QSER1: variants seen among roughly 807,000 people sequenced by gnomAD.
The protein encoded by QSER1 is glutamine and serine-rich protein 1.
A neutral mutation model predicts 158.5 loss-of-function variants in QSER1; 49 were observed. That is an observed-to-expected ratio of 0.31 (90% CI 0.25 to 0.39). The LOEUF (loss-of-function observed/expected upper bound fraction) is 0.39. QSER1 is among the 10% of genes least tolerant of loss of function. The pLI is 1.00. For missense variants in QSER1, 1,754 were observed against 2,010.3 expected (o/e 0.87, Z 2.44); for synonymous variants, 650 against 715.5 (o/e 0.91, Z 1.46).
rs534550199 is a variant in QSER1 at position 32,893,743 on chromosome 11, A to G, written c.209+409A>G. ...TGTATTGGAACCTGGGTGGCCGACAATGCGGTCTTGGGGACTCCGGCGTGT... is the reference window on the plus strand; with the variant it reads ...TGTATTGGAACCTGGGTGGCCGACAGTGCGGTCTTGGGGACTCCGGCGTGT... On this transcript the variant is annotated intron_variant, in intron 1 of 12. Transcript: ENST00000650167. This position sits in a 1 kb window ranked among gnomAD's most constrained non-coding sequence, Gnocchi z 4.7. Among the ~76,000 whole-genome samples, 26 of 152,276 alleles carry G rather than the reference A, an allele frequency of 1.7e-4. No individual in the cohort carries two copies. The highest frequency in any genetic ancestry group is 2.0e-4 in the Admixed American group (3 of 15,308).
intron 1 of QSER1, among the ~76,000 whole-genome samples, chr11:32,904,505 T>C (rs553080788): frequency 6.6e-6 from 1 of 152,076 alleles, no homozygotes; most frequent in South Asian, 2.1e-4. Flanking sequence ...TAAGCATTTC[T>C]TAATGTGCTA....
chr11:32,892,978 C>A lies in QSER1; in HGVS notation c.-148C>A, dbSNP rs538645689. Among the ~76,000 whole-genome samples the A allele has an allele frequency of 6.8e-6, 1 of 147,772 alleles. No individual in the cohort carries two copies. Among genetic ancestry groups the A allele is most frequent in the Non-Finnish European group, 1.5e-5 (1 of 66,332 alleles). On this transcript the variant is annotated 5_prime_UTR_variant, in exon 1 of 13. Transcript: ENST00000650167. ...GACTCGCCAGCGCGCCCTTCTCCCG[C>A]CTGCTCGCCGGGGCCATGTGAGGGG...
At position 32,966,368 on chromosome 11, in the gene QSER1, A is replaced by G; in HGVS notation, c.5038A>G (p.Ser1680Gly). Residue 1680 changes from serine to glycine, a missense_variant, in exon 9 of 13, where the codon AGC becomes GGC. Ser to Gly is a moderately conservative substitution (Grantham distance 56). Coordinates refer to ENST00000650167, the MANE Select transcript of QSER1 (RefSeq NM_001076786.3). ...NTRAMKETFK[S>G]YMELLVSIAL... is the part of the protein sequence containing the mutation. The stretch of plus-strand genomic sequence containing the variant: ...AAGAGCAATGAAGGAAACCTTTAAG[A>G]GCTACATGGAATTGCTTGTTAGCAT... 1.9e-6 allele frequency: 3 copies of G among 1,614,086 alleles called. No individual in the cohort carries two copies. Among genetic ancestry groups the G allele is most frequent in the Non-Finnish European group, 1.7e-6 (2 of 1,179,968 alleles).
At chr11:32,965,962 C>T (rs1277692123) in intron 8 of QSER1, among the ~76,000 whole-genome samples, 1 of 150,864 alleles carries the variant, frequency 6.6e-6, no homozygotes, top group African/African-American at 2.4e-5. Context: ...CACACACACA[C>T]ACACACACAC....
chr11:32,898,310 A>C (rs547679358), intron 1 of QSER1, among the ~76,000 whole-genome samples: 4 of 152,222 alleles, frequency 2.6e-5, no homozygotes, highest in Admixed American at 6.5e-5. Context: ...GTGAAACCCT[A>C]TCTCTACAAA....
intron 1 of QSER1, among the ~76,000 whole-genome samples, chr11:32,922,786 A>AT (rs573369402): frequency 3.1e-4 from 45 of 145,428 alleles, no homozygotes; most frequent in South Asian, 1.3e-3. Flanking sequence ...TGCCCGGCCT[A>AT]TTTTTTTTTT....
intron 8 of QSER1, among the ~76,000 whole-genome samples, chr11:32,965,944 A>AACACACACACACACACACACACACACAC (rs5790910): frequency 7.3e-5 from 9 of 123,620 alleles, no homozygotes; most frequent in East Asian, 5.6e-4. Flanking sequence ...TCTGTCTCAA[A>AACACACACACACACACACACACACACAC]ACACACACAC....
chr11:32,953,922 A>T lies in QSER1; in HGVS notation c.4243A>T (p.Thr1415Ser), dbSNP rs1423694897. Residue 1415 changes from threonine (T) to serine (S), a missense_variant, in exon 5 of 13, where the codon ACC (threonine) becomes TCC (serine). Transcript: ENST00000650167. ...TACTGGTACTGCTACTACTTCCTCA[A>T]CCACTGTGGGTGCAGTTAAGCAAGA... ...NTTGTATTSSTTVGAVKQEPL... is the reference protein window; with the variant it reads ...NTTGTATTSSSTVGAVKQEPL... 1.9e-6 allele frequency: 3 copies of T among 1,614,172 alleles called. No individual in the cohort carries two copies. The highest frequency in any genetic ancestry group is 2.5e-6 in the Non-Finnish European group (3 of 1,180,016).
chr11:32,949,173 C>T (rs895918791), intron 4 of QSER1, among the ~76,000 whole-genome samples: 2 of 152,006 alleles, frequency 1.3e-5, no homozygotes, highest in Admixed American at 6.6e-5. Context: ...CATAGCTTCT[C>T]CTTGGGATTA....
chr11:32,904,488 C>T (rs753165257), intron 1 of QSER1, among the ~76,000 whole-genome samples: 2 of 151,974 alleles, frequency 1.3e-5, no homozygotes, highest in Non-Finnish European at 2.9e-5. Context: ...CTGCGCCCAG[C>T]CAGTAGTAAG....
Position 32,955,395 on chromosome 11 carries a change from T to A in QSER1, c.4600T>A (p.Phe1534Ile), listed in dbSNP as rs1372524970. 6.3e-7 allele frequency: 1 copy of A among 1,577,168 alleles called. No homozygotes were observed. The change falls in exon 6 of 13, where the codon TTT (phenylalanine) becomes ATT (isoleucine). Residue 1534 changes from phenylalanine (F) to isoleucine (I), a missense_variant. Transcript: ENST00000650167. ...TGAAATTCGAGATGGTCAAAGAGAA[T>A]TTGCTGCTACAAATAGTGTAAGTAA... ...VPEIRDGQRE[F>I]AATNSYLGYF...
chr11:32,941,350 A>C (rs912109357), intron 4 of QSER1, among the ~76,000 whole-genome samples: 1 of 149,934 alleles, frequency 6.7e-6, no homozygotes, highest in African/African-American at 2.5e-5. Flanking sequence ...GTCATTTAGC[A>C]TTAGGTATAT....
In QSER1 at chr11:32,932,512, G is replaced by C. The variant is rs769703934; in HGVS notation, c.1254G>C (p.Leu418=). The C allele has an allele frequency of 1.9e-6, 3 of 1,614,100 alleles. No individual in the cohort carries two copies. The Admixed American group carries it at 5.0e-5, about 27-fold the overall frequency. The stretch of plus-strand genomic sequence containing the variant: ...AAAGCTGTTCTACAGAACAACCACT[G>C]ACATCAACCAAGACCCCTAAACCTC... ...KIKSCSTEQP[L]TSTKTPKPQS... is the part of the protein sequence containing the mutation. The change falls in exon 4 of 13, where the codon CTG becomes CTC. Residue 418 remains leucine (L), a synonymous_variant. Coordinates refer to ENST00000650167, the MANE Select transcript of QSER1 (RefSeq NM_001076786.3).
intron 4 of QSER1, among the ~76,000 whole-genome samples, chr11:32,946,171 C>T (rs1288874463): frequency 6.6e-6 from 1 of 151,294 alleles, no homozygotes; most frequent in African/African-American, 2.4e-5. Flanking sequence ...ACTTCTTTGC[C>T]TTTGGTTTGA....
In QSER1 at chr11:32,933,536, A is replaced by G. The variant is rs778163707; in HGVS notation, c.2278A>G (p.Lys760Glu). ...TGGGGTTGCTCTGCAAGCATCAAAA[A>G]AAGAAGAAAGTGTTGTTGGTTCAGT... ...VIGVALQASK[K>E]EESVVGSVTQ... is the part of the protein sequence containing the mutation. The change falls in exon 4 of 13, where the codon AAA becomes GAA. Residue 760 changes from lysine to glutamate, a missense_variant. By Grantham distance (56) the Lys-to-Glu change is moderately conservative. This residue lies in a region of QSER1 where 1,707 missense variants were observed against 1,919.6 expected (regional missense o/e 0.89). Coordinates refer to ENST00000650167, the MANE Select transcript of QSER1 (RefSeq NM_001076786.3). The G allele has an allele frequency of 6.2e-6, 10 of 1,613,314 alleles. No individual in the cohort carries two copies. The highest frequency in any genetic ancestry group is 1.7e-5 in the Admixed American group (1 of 59,840).
Position 32,892,843 on chromosome 11 carries a change from G to GGCCGCCGCCGCCGCC in QSER1, c.-278_-264dup, listed in dbSNP as rs562526200. Among the ~76,000 whole-genome samples, 1,984 of 144,864 alleles carry GGCCGCCGCCGCCGCC rather than the reference G, an allele frequency of 0.014. 18 individuals are homozygous for GGCCGCCGCCGCCGCC. The highest frequency in any genetic ancestry group is 0.036 in the Middle Eastern group (10 of 280). On this transcript the variant is annotated 5_prime_UTR_variant, in exon 1 of 13. Coordinates refer to ENST00000650167, the MANE Select transcript of QSER1 (RefSeq NM_001076786.3). ...GAAATCCACCAACATGGGGCGCAGC[G>GGCCGCCGCCGCCGCC]GCCGCCGCCGCCGCCGCCGTCGCCG...
At chr11:32,946,476 G>A (rs1448026834) in intron 4 of QSER1, among the ~76,000 whole-genome samples, 1 of 151,964 alleles carries the variant, frequency 6.6e-6, no homozygotes, top group Non-Finnish European at 1.5e-5. Flanking sequence ...TCAGCTGCAG[G>A]TCTGTTGGAG....
Position 32,963,714 on chromosome 11 carries a change from G to A in QSER1, c.4970-2586G>A, listed in dbSNP as rs559899404. Among the ~76,000 whole-genome samples, 7 of 152,262 alleles carry A rather than the reference G, an allele frequency of 4.6e-5. No homozygotes were observed. The South Asian group carries it at 1.5e-3, about 32-fold the overall frequency. On this transcript the variant is annotated intron_variant, in intron 8 of 12. Transcript: ENST00000650167. The stretch of plus-strand genomic sequence containing the variant: ...AGGTCTCACTCTGTCACCCAGGCTG[G>A]AGTGCATGGTGTAATCATAATTCAC...
At chr11:32,916,588 A>G (rs958447623) in intron 1 of QSER1, among the ~76,000 whole-genome samples, 3 of 152,176 alleles carry the variant, frequency 2.0e-5, no homozygotes, top group Non-Finnish European at 4.4e-5. Context: ...GCTATATGGT[A>G]TGATCTGTCA....
Sources: gnomAD v4.1 joint callset for allele counts (sites outside exome capture counted in the v4.1 genomes callset) on GRCh38, gnomAD v4.1.1 for gene constraint, gnomAD v4.1.1 regional missense constraint, Gnocchi (gnomAD v3.1) non-coding constraint, MANE v1.5 for transcripts, NCBI Gene and HGNC (gene_info 2026-07-23, HGNC 2026-07-21) for gene names.